ZCCHC17: variants seen among roughly 807,000 people sequenced by gnomAD.
ZCCHC17 encodes the protein zinc finger CCHC-type containing 17.
In ZCCHC17, 18 loss-of-function variants were observed where a neutral mutation model predicts 30.6. That is an observed-to-expected ratio of 0.59 (90% CI 0.41 to 0.87). ZCCHC17 has a LOEUF of 0.87. Among genes scored for constraint, ZCCHC17 ranks in the 40% least tolerant of loss-of-function variants. The pLI, the probability that ZCCHC17 is intolerant of heterozygous loss-of-function variation, is 0.00. For synonymous variants in ZCCHC17, 88 were observed against 92.4 expected (o/e 0.95, Z 0.27); for missense variants, 263 against 284.2 (o/e 0.93, Z 0.54).
At chr1:31,312,025 G>A (rs895949730) in intron 2 of ZCCHC17, among the ~76,000 whole-genome samples, 4 of 152,162 alleles carry the variant, frequency 2.6e-5, no homozygotes, top group African/African-American at 4.8e-5. Context: ...GTGCCATCTT[G>A]GAAGCAGACA....
chr1:31,298,206 G>T (rs1256343055), intron 1 of ZCCHC17, among the ~76,000 whole-genome samples: 1 of 152,096 alleles, frequency 6.6e-6, no homozygotes, highest in Non-Finnish European at 1.5e-5. Flanking sequence ...GTATATAGGA[G>T]GTAAAATGGG....
intron 5 of ZCCHC17, among the ~76,000 whole-genome samples, chr1:31,341,521 G>A (rs908570221): frequency 1.3e-5 from 2 of 152,160 alleles, no homozygotes; most frequent in African/African-American, 4.8e-5. Context: ...CTGGTTTTGG[G>A]CTGTCTCTGT....
At chr1:31,345,569 T>TATA (rs1557452488) in intron 5 of ZCCHC17, among the ~76,000 whole-genome samples, 3 of 133,884 alleles carry the variant, frequency 2.2e-5, no homozygotes, top group African/African-American at 8.5e-5. Flanking sequence ...TATAATATAA[T>TATA]ATATATATAT....
intron 7 of ZCCHC17, among the ~76,000 whole-genome samples, chr1:31,355,292 G>A (rs1639605581): frequency 6.6e-6 from 1 of 151,786 alleles, no homozygotes; most frequent in Non-Finnish European, 1.5e-5. Flanking sequence ...TCCTCTTGAT[G>A]CCCACTATTT....
At chr1:31,334,333 CTCTCTGTGTGTGTGTG>C (rs1490563187) in intron 3 of ZCCHC17, among the ~76,000 whole-genome samples, 30 of 60,912 alleles carry the variant, frequency 4.9e-4, no homozygotes, top group African/African-American at 1.1e-3. Flanking sequence ...CTCTCTCTCT[CTCTCTGTGTGTGTGTG>C]TGTGTGTGTG....
At chr1:31,320,216 TG>T (rs1646829560) in intron 3 of ZCCHC17, among the ~76,000 whole-genome samples, 1 of 152,228 alleles carries the variant, frequency 6.6e-6, no homozygotes, top group South Asian at 2.1e-4. Flanking sequence ...TGCAACAACC[TG>T]GATCATCCCT....
intron 1 of ZCCHC17, among the ~76,000 whole-genome samples, chr1:31,299,141 T>C (rs139248376): frequency 1.4e-4 from 22 of 152,316 alleles, no homozygotes; most frequent in African/African-American, 5.1e-4. Context: ...GTAGTGAACC[T>C]ACACAGTATT....
intron 6 of ZCCHC17, among the ~76,000 whole-genome samples, chr1:31,347,128 C>T (rs1639304473): frequency 6.6e-6 from 1 of 152,152 alleles, no homozygotes. Flanking sequence ...CTTAAAGATC[C>T]AAGTCAGACT....
chr1:31,331,667 A>T (rs545969699), intron 3 of ZCCHC17, among the ~76,000 whole-genome samples: 77 of 151,700 alleles, frequency 5.1e-4, no homozygotes, highest in African/African-American at 1.8e-3. Context: ...GCTGGAATGC[A>T]ATGGCTCGAT....
intron 3 of ZCCHC17, among the ~76,000 whole-genome samples, chr1:31,323,213 T>C (rs1313202196): frequency 6.6e-6 from 1 of 152,254 alleles, no homozygotes; most frequent in African/African-American, 2.4e-5. Flanking sequence ...GTATTTCTTA[T>C]ACCACAGTAT....
intron 7 of ZCCHC17, among the ~76,000 whole-genome samples, chr1:31,362,979 CTCTGTGTAT>C (rs921553957): frequency 3.0e-4 from 45 of 152,230 alleles, no homozygotes; most frequent in Middle Eastern, 6.8e-3. Flanking sequence ...TTTCAGTGTT[CTCTGTGTAT>C]ACTAAATATA....
chr1:31,343,799 C>T (rs145119390), intron 5 of ZCCHC17, among the ~76,000 whole-genome samples: 1 of 150,346 alleles, frequency 6.7e-6, no homozygotes, highest in South Asian at 2.1e-4. Context: ...CCTCCTTCAG[C>T]CTCCCAAGTA....
chr1:31,338,807 A>G (rs1638920150), intron 4 of ZCCHC17, 150 bp from the exon 5 acceptor site: 1 of 534,100 alleles, frequency 1.9e-6, no homozygotes, highest in Non-Finnish European at 3.3e-6. Flanking sequence ...TCTACCTGTT[A>G]TGCTTATTTG....
chr1:31,338,849 C>T (rs1439989137), intron 4 of ZCCHC17, 108 bp from the exon 5 acceptor site: 1 of 670,124 alleles, frequency 1.5e-6, no homozygotes, highest in African/African-American at 1.8e-5. Flanking sequence ...AGTACCTGGT[C>T]CATTAAAGAA....
chr1:31,323,349 T>C (rs1646906119), intron 3 of ZCCHC17, among the ~76,000 whole-genome samples: 1 of 151,448 alleles, frequency 6.6e-6, no homozygotes, highest in Non-Finnish European at 1.5e-5. Flanking sequence ...TGAGACGGAG[T>C]CTTGCTCTGT....
chr1:31,327,339 A>G (rs138503171), intron 3 of ZCCHC17, among the ~76,000 whole-genome samples: 24 of 152,346 alleles, frequency 1.6e-4, no homozygotes, highest in Non-Finnish European at 2.8e-4. Context: ...AATCAGCTGT[A>G]AACAGGGGTT....
At chr1:31,349,214 G>T (rs1021741508) in intron 7 of ZCCHC17, among the ~76,000 whole-genome samples, 3 of 149,882 alleles carry the variant, frequency 2.0e-5, no homozygotes, top group Admixed American at 1.3e-4. Flanking sequence ...AATTTTTTTT[G>T]TTAAAAAAAA....
chr1:31,345,501 T>G (rs1639212992), intron 5 of ZCCHC17, among the ~76,000 whole-genome samples: 1 of 66,178 alleles, frequency 1.5e-5, no homozygotes, highest in Non-Finnish European at 3.5e-5. Context: ...TTTGGTATGT[T>G]CAAATTATGA....
chr1:31,335,778 T>A (rs886089473), intron 3 of ZCCHC17, among the ~76,000 whole-genome samples: 1 of 152,256 alleles, frequency 6.6e-6, no homozygotes, highest in African/African-American at 2.4e-5. Flanking sequence ...TTAGTAATAG[T>A]TCTTATTTTA....
Sources: allele counts gnomAD v4.1 joint callset (sites outside exome capture counted in the v4.1 genomes callset), GRCh38; gene constraint gnomAD v4.1.1; transcripts MANE v1.5; gene names NCBI Gene and HGNC (gene_info 2026-07-23, HGNC 2026-07-21).